Variants in GPR137C observed in about 807,000 individuals in gnomAD.
GPR137C encodes the protein G protein-coupled receptor 137C.
A neutral mutation model predicts 43.4 loss-of-function variants in GPR137C; 27 were observed. The ratio of observed to expected loss-of-function variants is 0.62; its 90% CI spans 0.46 to 0.86. The LOEUF is 0.86. Among genes scored for constraint, GPR137C ranks in the 40% least tolerant of loss-of-function variants. The pLI, the probability that GPR137C is intolerant of heterozygous loss-of-function variation, is 0.00. For missense variants in GPR137C, 522 were observed against 534.6 expected, an observed-to-expected ratio of 0.98 and a Z score of 0.23; for synonymous variants, 285 against 226.9, an observed-to-expected ratio of 1.26 and a Z score of -2.30.
At chr14:52,615,523 T>C (rs1417903444) in intron 3 of GPR137C, among the ~76,000 whole-genome samples, 1 of 150,428 alleles carries the variant, frequency 6.6e-6, no homozygotes, top group East Asian at 2.0e-4. Context: ...TTAATAGGGA[T>C]TGCATTGAAT....
Position 52,553,360 on chromosome 14 carries a change from G to T in GPR137C, c.213G>T (p.Leu71=). ...TTGCCTACCTGCAGCTGTGGCGGCTGCTCCTGTACCGCGAGCGGCGGCTGA... is the reference window on the plus strand; with the variant it reads ...TTGCCTACCTGCAGCTGTGGCGGCTTCTCCTGTACCGCGAGCGGCGGCTGA... ...FAFAYLQLWR[L]LLYRERRLSY... Residue 71 remains leucine, a synonymous_variant, in exon 1 of 7, where the codon CTG becomes CTT. Transcript: ENST00000321662. 1.2e-6 allele frequency: 2 copies of T among 1,603,844 alleles called. No homozygotes were observed. Among genetic ancestry groups the T allele is most frequent in the East Asian group, 2.2e-5 (1 of 44,786 alleles).
chr14:52,584,468 T>C (rs765709400), intron 1 of GPR137C, among the ~76,000 whole-genome samples: 2 of 152,200 alleles, frequency 1.3e-5, no homozygotes, highest in Non-Finnish European at 2.9e-5. Flanking sequence ...AGAAGTATTC[T>C]TCGTGTAAGG....
At chr14:52,616,189 C>T (rs1453314219) in intron 3 of GPR137C, among the ~76,000 whole-genome samples, 1 of 152,216 alleles carries the variant, frequency 6.6e-6, no homozygotes, top group Admixed American at 6.5e-5. Context: ...TGCATATTTA[C>T]ACATCAGTAT....
intron 1 of GPR137C, among the ~76,000 whole-genome samples, chr14:52,568,703 C>T (rs989808390): frequency 2.0e-5 from 3 of 152,196 alleles, no homozygotes; most frequent in Admixed American, 6.5e-5. Flanking sequence ...CGGAGCCAAC[C>T]GCAGCTCAGC....
chr14:52,617,642 G>A (rs1236483935), intron 3 of GPR137C, among the ~76,000 whole-genome samples: 5 of 152,148 alleles, frequency 3.3e-5, no homozygotes, highest in East Asian at 1.9e-4. Context: ...TTGTACCACC[G>A]CACTCCAGCC....
At chr14:52,615,218 C>T (rs2039084930) in intron 3 of GPR137C, among the ~76,000 whole-genome samples, 1 of 152,118 alleles carries the variant, frequency 6.6e-6, no homozygotes, top group Non-Finnish European at 1.5e-5. Flanking sequence ...ACTACCTTTT[C>T]CCCAGTGTAT....
rs189032030 is a variant in GPR137C at position 52,597,563 on chromosome 14, G to A, written c.445-709G>A. Among the ~76,000 whole-genome samples, 11 of 152,210 alleles carry A rather than the reference G, an allele frequency of 7.2e-5. No homozygotes were observed. The East Asian group carries it at 1.2e-3, about 16-fold the overall frequency. ...TAGCCTGTACACTAATGTCAGATTA[G>A]TGAAATTCCATATTTTGGAATAGCT... On this transcript the variant is annotated intron_variant, in intron 1 of 6. Transcript: ENST00000321662.
chr14:52,602,540 A>AGTAT (rs1335174103), intron 3 of GPR137C, among the ~76,000 whole-genome samples: 1 of 152,062 alleles, frequency 6.6e-6, no homozygotes, highest in Admixed American at 6.6e-5. Context: ...AATAAAACAC[A>AGTAT]GTATGCCCTC....
chr14:52,600,800 A>G (rs549707843), intron 3 of GPR137C, among the ~76,000 whole-genome samples: 1 of 152,218 alleles, frequency 6.6e-6, no homozygotes, highest in Non-Finnish European at 1.5e-5. Flanking sequence ...ATATATATGA[A>G]TGGATCAAAA....
Position 52,553,180 on chromosome 14 carries a change from TGCC to T in GPR137C, c.37_39del (p.Ala13del), listed in dbSNP as rs1413442514. The stretch of plus-strand genomic sequence containing the variant: ...TGTCCGTGCCGGGTCCGGCGGCCGC[TGCC>T]GCCCCCGCAGCCGGCCGCGAGCCCT... On this transcript the variant is annotated inframe_deletion, in exon 1 of 7. Coordinates refer to ENST00000321662, the MANE Select transcript of GPR137C (RefSeq NM_001099652.2). 7.5e-6 allele frequency: 9 copies of T among 1,192,462 alleles called. No individual in the cohort carries two copies. The highest frequency in any genetic ancestry group is 9.3e-6 in the Non-Finnish European group (9 of 964,480). The allele number at this position is 1,192,462 out of a possible 1,614,324, so 73.9% of individuals were successfully genotyped here. A position where few individuals can be genotyped will look rare whatever the true frequency, so the allele number is the denominator to read the frequency against.
chr14:52,633,582 T>A lies in GPR137C; in HGVS notation c.920T>A (p.Leu307His). Residue 307 changes from leucine (L) to histidine (H), a missense_variant, in exon 5 of 7, where the codon CTC (leucine) becomes CAC (histidine). Coordinates refer to ENST00000321662, the MANE Select transcript of GPR137C (RefSeq NM_001099652.2). ...GAGTATATAGTATTTGGAATGGTCC[T>A]CTTTCTGTGGGAACATGTGCCAGCA... ...GEEYIVFGMV[L>H]FLWEHVPAWS... 3.7e-6 allele frequency: 6 copies of A among 1,612,726 alleles called. No individual in the cohort carries two copies. Among genetic ancestry groups the A allele is most frequent in the Non-Finnish European group, 5.1e-6 (6 of 1,178,932 alleles).
chr14:52,581,256 G>A (rs961258689), intron 1 of GPR137C, among the ~76,000 whole-genome samples: 3 of 150,478 alleles, frequency 2.0e-5, no homozygotes, highest in East Asian at 2.0e-4. Flanking sequence ...ACATCTGGCC[G>A]GGTGCAGTGG....
intron 2 of GPR137C, among the ~76,000 whole-genome samples, chr14:52,599,359 C>T (rs765060204): frequency 4.0e-5 from 6 of 151,844 alleles, no homozygotes; most frequent in Non-Finnish European, 8.8e-5. Context: ...AGTTTGAAAG[C>T]ATTTTTTGCT....
chr14:52,555,276 T>G (rs1462217959), intron 1 of GPR137C, among the ~76,000 whole-genome samples: 1 of 152,136 alleles, frequency 6.6e-6, no homozygotes, highest in Non-Finnish European at 1.5e-5. Flanking sequence ...AGGCATTTCA[T>G]AAAGTGGGTA....
intron 3 of GPR137C, 71 bp downstream of exon 3, chr14:52,600,412 T>A (rs2038910259): frequency 1.3e-6 from 1 of 773,514 alleles, no homozygotes; most frequent in Non-Finnish European, 2.1e-6. Context: ...CATATTTTAA[T>A]GGAAAGTTTA....
chr14:52,558,906 G>A (rs1165606227), intron 1 of GPR137C, among the ~76,000 whole-genome samples: 2 of 152,120 alleles, frequency 1.3e-5, no homozygotes, highest in African/African-American at 2.4e-5. Context: ...ACAACCAATG[G>A]GTGAAGAGAG....
At position 52,576,269 on chromosome 14, in the gene GPR137C, A is replaced by G. The variant is rs548291895; in HGVS notation, c.445-22003A>G. 4.6e-5 allele frequency among the ~76,000 whole-genome samples: 7 copies of G among 152,360 alleles called. No homozygotes were observed. The South Asian group carries it at 1.4e-3, about 32-fold the overall frequency. Reference sequence around the variant, plus strand: ...TATTTTACTTAGGATAATGGCCTCAAATTCCATCAATGTTGTTGCAATTGA... The same window carrying G: ...TATTTTACTTAGGATAATGGCCTCAGATTCCATCAATGTTGTTGCAATTGA... On this transcript the variant is annotated intron_variant, in intron 1 of 6. Coordinates refer to ENST00000321662, the MANE Select transcript of GPR137C (RefSeq NM_001099652.2).
intron 3 of GPR137C, among the ~76,000 whole-genome samples, chr14:52,608,232 T>C (rs192162035): frequency 5.4e-4 from 82 of 152,260 alleles, no homozygotes; most frequent in African/African-American, 1.8e-3. Flanking sequence ...CAGTATGTTT[T>C]AATCTATTGC....
rs1013416871 is a variant in GPR137C at position 52,566,319 on chromosome 14, T to G, written c.444+12728T>G. Among the ~76,000 whole-genome samples, 33 of 152,350 alleles carry G rather than the reference T, an allele frequency of 2.2e-4. 1 individual carries two copies. Among genetic ancestry groups the G allele is most frequent in the Admixed American group, 2.1e-3 (32 of 15,302 alleles). Reference sequence around the variant, plus strand: ...AAAGCTTAAATATTTTCTTAAAAATTTGTACTCTCCTCAGCTACTATGTAG... The same window carrying G: ...AAAGCTTAAATATTTTCTTAAAAATGTGTACTCTCCTCAGCTACTATGTAG... On this transcript the variant is annotated intron_variant, in intron 1 of 6. Transcript: ENST00000321662.
Sources: allele counts gnomAD v4.1 joint callset (sites outside exome capture counted in the v4.1 genomes callset), GRCh38; gene constraint gnomAD v4.1.1; transcripts MANE v1.5; gene names NCBI Gene and HGNC (gene_info 2026-07-23, HGNC 2026-07-21).